Variants in ANKAR observed in about 807,000 individuals in gnomAD.
The protein encoded by ANKAR is ankyrin and armadillo repeat containing.
A neutral mutation model predicts 146.2 loss-of-function variants in ANKAR; 136 were observed. The observed-to-expected ratio is 0.93, with a 90% CI of 0.81 to 1.07. The LOEUF (loss-of-function observed/expected upper bound fraction) is 1.07. Among genes scored for constraint, ANKAR ranks in the 50% least tolerant of loss-of-function variants. The probability of loss-of-function intolerance (pLI) is 0.00; values close to 1 mark genes in which losing one functional copy is unlikely to be tolerated. For missense variants in ANKAR, 1,567 were observed against 1,679.9 expected (o/e 0.93, Z 1.18); for synonymous variants, 500 against 575.8 (o/e 0.87, Z 1.88).
chr2:189,721,210 A>G (rs1050215144), intron 12 of ANKAR, among the ~76,000 whole-genome samples: 2 of 151,802 alleles, frequency 1.3e-5, no homozygotes. Flanking sequence ...CTGGTCTCAA[A>G]CTCCTGACCT....
At chr2:189,721,064 T>A (rs970842164) in intron 12 of ANKAR, among the ~76,000 whole-genome samples, 1 of 152,198 alleles carries the variant, frequency 6.6e-6, no homozygotes, top group African/African-American at 2.4e-5. Flanking sequence ...GTCAGCTCAC[T>A]GCAAACTCCG....
At chr2:189,742,958 A>G (rs1279893309) in intron 20 of ANKAR, among the ~76,000 whole-genome samples, 1 of 140,630 alleles carries the variant, frequency 7.1e-6, no homozygotes, top group Non-Finnish European at 1.6e-5. Context: ...ACACACACAC[A>G]CACACACACA....
chr2:189,719,409 A>C (rs2040977393), intron 10 of ANKAR, among the ~76,000 whole-genome samples, 163 bp from the exon 11 acceptor site: 2 of 152,244 alleles, frequency 1.3e-5, no homozygotes, highest in African/African-American at 4.8e-5. Flanking sequence ...AGGTTTCTTC[A>C]TGTAGTTTCA....
chr2:189,737,872 A>G, intron 18 of ANKAR, 31 bp downstream of exon 18: 1 of 1,494,250 alleles, frequency 6.7e-7, no homozygotes, highest in Admixed American at 2.6e-5. Flanking sequence ...CCTCAAATTA[A>G]TAAATATGTC....
At position 189,730,564 on chromosome 2, in the gene ANKAR, T is replaced by C. The variant is rs2042314321; in HGVS notation, c.3263T>C (p.Ile1088Thr). 3 of 1,601,946 alleles carry C rather than the reference T, an allele frequency of 1.9e-6. No individual in the cohort carries two copies. Among genetic ancestry groups the C allele is most frequent in the African/African-American group, 1.3e-5 (1 of 74,304 alleles). Residue 1088 changes from isoleucine (I) to threonine (T), a missense_variant, in exon 16 of 23, where the codon ATC becomes ACC. Coordinates refer to ENST00000684021, the MANE Select transcript of ANKAR (RefSeq NM_001378068.1). ...VVDENAFPVL[I>T]QLLRNHPSPN... is the part of the protein sequence containing the mutation. ...GATGAAAATGCCTTTCCAGTACTTATCCAACTACTAAGAAATCACCCTTCT... is the reference window on the plus strand; with the variant it reads ...GATGAAAATGCCTTTCCAGTACTTACCCAACTACTAAGAAATCACCCTTCT...
At chr2:189,719,258 G>T (rs1231737845) in intron 10 of ANKAR, among the ~76,000 whole-genome samples, 2 of 152,104 alleles carry the variant, frequency 1.3e-5, no homozygotes, top group African/African-American at 2.4e-5. Flanking sequence ...GTAGCACAAA[G>T]AATTTATTTA....
intron 18 of ANKAR, among the ~76,000 whole-genome samples, chr2:189,759,744 CTTATTTAT>C (rs144508956): frequency 6.6e-6 from 1 of 151,240 alleles, no homozygotes; most frequent in African/African-American, 2.4e-5. Flanking sequence ...GTATTTTATT[CTTATTTAT>C]TTATTTATTT....
chr2:189,752,699 C>T (rs1441218357), intron 18 of ANKAR: 3 of 1,613,756 alleles, frequency 1.9e-6, no homozygotes, highest in South Asian at 1.1e-5. Context: ...ATGCCCAAGC[C>T]AGCACGTAGT....
At position 189,731,800 on chromosome 2, in the gene ANKAR, C is replaced by T. The variant is rs543417731; in HGVS notation, c.3300+1199C>T. 2.6e-3 allele frequency among the ~76,000 whole-genome samples: 391 copies of T among 152,138 alleles called. 3 individuals carry two copies. The highest frequency in any genetic ancestry group is 8.9e-3 in the African/African-American group (371 of 41,498). ...ACTGCAGCCTCTGCCTCCCAGGCTA[C>T]AGTGATCCTCCCACCTCAGCCTCCT... On this transcript the variant is annotated intron_variant, in intron 16 of 22. Coordinates refer to ENST00000684021, the MANE Select transcript of ANKAR (RefSeq NM_001378068.1).
At chr2:189,730,122 CTATT>C (rs2042272094) in intron 15 of ANKAR, among the ~76,000 whole-genome samples, 2 of 152,132 alleles carry the variant, frequency 1.3e-5, no homozygotes, top group South Asian at 4.1e-4. Flanking sequence ...GTGATTTACT[CTATT>C]CATTTTTGTA....
At chr2:189,762,098 A>G (rs2047160039), downstream of ANKAR, among the ~76,000 whole-genome samples, 1 of 152,202 alleles carries the variant, frequency 6.6e-6, no homozygotes, top group African/African-American at 2.4e-5. Context: ...TCAAAATAAA[A>G]CTGGATCATT....
At chr2:189,734,271 G>T (rs147190168) in intron 17 of ANKAR, among the ~76,000 whole-genome samples, 36 of 152,236 alleles carry the variant, frequency 2.4e-4, no homozygotes, top group African/African-American at 8.7e-4. Context: ...CAAATATTTT[G>T]TCTTGCATCA....
In ANKAR at chr2:189,695,051, A is replaced by G. The variant is rs958767220; in HGVS notation, c.1378A>G (p.Ile460Val). 6.8e-6 allele frequency: 11 copies of G among 1,612,834 alleles called. No individual in the cohort carries two copies. Among genetic ancestry groups the G allele is most frequent in the Non-Finnish European group, 9.3e-6 (11 of 1,179,372 alleles). Reference sequence around the variant, plus strand: ...ATATAAGACACAGTGGTGGGGAGCCATAAATGAAATAGTGAACAATCTGAG... The same window carrying G: ...ATATAAGACACAGTGGTGGGGAGCCGTAAATGAAATAGTGAACAATCTGAG... ...QLYKTQWWGA[I>V]NEIVNNLRLK... The change falls in exon 6 of 23, where the codon ATA becomes GTA. Residue 460 changes from isoleucine to valine, a missense_variant. Ile to Val is a conservative substitution (Grantham distance 29, BLOSUM62 3). Coordinates refer to ENST00000684021, the MANE Select transcript of ANKAR (RefSeq NM_001378068.1).
At position 189,719,674 on chromosome 2, in the gene ANKAR, T is replaced by C. The variant is rs142330212; in HGVS notation, c.2327T>C (p.Val776Ala). ...LSNISTHKSA[V>A]HALVEAGGIP... ...AATATCTCAACCCACAAAAGTGCAG[T>C]GCATGCTTTGGTAGAAGCGGGAGGC... The change falls in exon 11 of 23, where the codon GTG (valine) becomes GCG (alanine). Residue 776 changes from valine (V) to alanine (A), a missense_variant. By Grantham distance (64) the Val-to-Ala change is moderately conservative. Transcript: ENST00000684021. 776 of 1,614,152 alleles carry C rather than the reference T, an allele frequency of 4.8e-4. 6 individuals carry two copies. In the African/African-American group the frequency reaches 9.4e-3, roughly 20 times the overall value.
At chr2:189,725,251 G>A (rs2164830) in intron 12 of ANKAR, among the ~76,000 whole-genome samples, 17,150 of 146,042 alleles carry the variant, frequency 0.12, 1,164 homozygotes, top group Middle Eastern at 0.18. Flanking sequence ...ACATATATAT[G>A]TATACATATT....
Position 189,689,682 on chromosome 2 carries a change from C to G in ANKAR, c.757C>G (p.Gln253Glu), listed in dbSNP as rs775215416. The change falls in exon 3 of 23, where the codon CAA becomes GAA. Residue 253 changes from glutamine (Q) to glutamate (E), a missense_variant. Transcript: ENST00000684021. ...IMLKLTFSTT[Q>E]IQQYENVFIF... The stretch of plus-strand genomic sequence containing the variant: ...GCTAAAGTTAACATTCAGTACCACA[C>G]AAATTCAACAGTATGAAAATGTCTT... 1.9e-6 allele frequency: 3 copies of G among 1,613,592 alleles called. No homozygotes were observed. The highest frequency in any genetic ancestry group is 2.5e-6 in the Non-Finnish European group (3 of 1,179,740).
intron 9 of ANKAR, among the ~76,000 whole-genome samples, chr2:189,709,050 G>A (rs2039338640): frequency 6.6e-6 from 1 of 152,052 alleles, no homozygotes. Context: ...GCAGTGAACC[G>A]AGATCGTGCC....
intron 10 of ANKAR, among the ~76,000 whole-genome samples, chr2:189,719,272 A>G (rs905840221): frequency 1.3e-5 from 2 of 152,218 alleles, no homozygotes; most frequent in African/African-American, 4.8e-5. Context: ...TTATTTATCA[A>G]TAATCTGAAG....
intron 9 of ANKAR, among the ~76,000 whole-genome samples, chr2:189,708,718 C>T (rs2039292595): frequency 6.6e-6 from 1 of 151,980 alleles, no homozygotes; most frequent in Non-Finnish European, 1.5e-5. Flanking sequence ...AGGAAATAAC[C>T]AAATCGTAAG....
Sources: allele counts gnomAD v4.1 joint callset (sites outside exome capture counted in the v4.1 genomes callset), GRCh38; gene constraint gnomAD v4.1.1; transcripts MANE v1.5; gene names NCBI Gene and HGNC (gene_info 2026-07-23, HGNC 2026-07-21).